TMEM170A: variants seen among roughly 807,000 people sequenced by gnomAD.
TMEM170A encodes transmembrane protein 170A.
Under a neutral mutation model 12.8 loss-of-function variants are expected in TMEM170A, and 18 were observed. The ratio of observed to expected loss-of-function variants is 1.41; its 90% CI spans 0.97 to 2.09. The LOEUF is 2.09. Among genes scored for constraint, TMEM170A ranks in the 30% most tolerant of loss-of-function variants. The pLI is 0.00. For missense variants in TMEM170A, 220 were observed against 179.9 expected (o/e 1.22, Z -1.28); for synonymous variants, 107 against 76.2 (o/e 1.40, Z -2.11).
intron 2 of TMEM170A, among the ~76,000 whole-genome samples, chr16:75,449,559 T>C (rs2079645835): frequency 6.6e-6 from 1 of 152,100 alleles, no homozygotes; most frequent in South Asian, 2.1e-4. Flanking sequence ...ACTTAAGCAA[T>C]CCTCCCAAGC....
intron 1 of TMEM170A, among the ~76,000 whole-genome samples, chr16:75,459,537 A>T (rs766854657): frequency 6.6e-6 from 1 of 152,166 alleles, no homozygotes; most frequent in Non-Finnish European, 1.5e-5. Flanking sequence ...AGCAGACCAC[A>T]TGAGTCCTCC....
chr16:75,451,964 A>G (rs1307697113), intron 1 of TMEM170A, 125 bp from the exon 2 acceptor site: 4 of 871,800 alleles, frequency 4.6e-6, no homozygotes, highest in African/African-American at 3.4e-5. Context: ...TTTTTGAAAA[A>G]TTTTTATTAT....
Position 75,464,647 on chromosome 16 carries a change from G to T in TMEM170A, c.-47C>A, listed in dbSNP as rs758490418. On this transcript the variant is annotated 5_prime_UTR_variant, in exon 1 of 3. Coordinates refer to ENST00000561878, the MANE Select transcript of TMEM170A (RefSeq NM_145254.3). ...GAAATGAGGGACGAGCGCCCGAAGTGCGGTAGCGGCCGGCGCCGACTCACC... is the reference window on the plus strand; with the variant it reads ...GAAATGAGGGACGAGCGCCCGAAGTTCGGTAGCGGCCGGCGCCGACTCACC... 28 of 1,545,770 alleles carry T rather than the reference G, an allele frequency of 1.8e-5. No individual in the cohort carries two copies. The highest frequency in any genetic ancestry group is 2.9e-5 in the African/African-American group (2 of 70,038).
At chr16:75,454,297 G>A (rs1246389480) in intron 1 of TMEM170A, among the ~76,000 whole-genome samples, 3 of 152,092 alleles carry the variant, frequency 2.0e-5, no homozygotes, top group Non-Finnish European at 1.5e-5. Context: ...TAAAAACCAC[G>A]GGCTTTACCA....
rs930458859 is a variant in TMEM170A, at chr16:75,447,545, A to G, written c.*13T>C. The G allele has an allele frequency of 3.1e-6, 5 of 1,601,596 alleles. No individual in the cohort carries two copies. The highest frequency in any genetic ancestry group is 4.3e-6 in the Non-Finnish European group (5 of 1,176,376). ...TAAAGTTTAAGTTCAACATCTCAGCATAAGGATGTATGCTATAGAGTAGCT... is the reference window on the plus strand; with the variant it reads ...TAAAGTTTAAGTTCAACATCTCAGCGTAAGGATGTATGCTATAGAGTAGCT... On this transcript the variant is annotated 3_prime_UTR_variant, in exon 3 of 3. Transcript: ENST00000561878.
In TMEM170A at chr16:75,464,526, C is replaced by T. The variant is rs780088507; in HGVS notation, c.75G>A (p.Val25=). 5 of 1,587,288 alleles carry T rather than the reference C, an allele frequency of 3.2e-6. No homozygotes were observed. Among genetic ancestry groups the T allele is most frequent in the Admixed American group, 1.8e-5 (1 of 56,838 alleles). ...ACAGGGTCCCGTTGCCCACCCGCGGCACAACCTTCAGGCTCAGGATCTGCT... is the reference window on the plus strand; with the variant it reads ...ACAGGGTCCCGTTGCCCACCCGCGGTACAACCTTCAGGCTCAGGATCTGCT... ...LLQQILSLKV[V]PRVGNGTLCP... The change falls in exon 1 of 3, where the codon GTG becomes GTA. Residue 25 remains valine (V), a synonymous_variant. Coordinates refer to ENST00000561878, the MANE Select transcript of TMEM170A (RefSeq NM_145254.3).
intron 2 of TMEM170A, among the ~76,000 whole-genome samples, chr16:75,451,175 C>T (rs2079674323): frequency 6.6e-6 from 1 of 152,008 alleles, no homozygotes; most frequent in African/African-American, 2.4e-5. Context: ...CCTGAAGCCA[C>T]TGAGATGAAA....
intron 1 of TMEM170A, among the ~76,000 whole-genome samples, chr16:75,463,951 G>T (rs911932364): frequency 7.9e-5 from 12 of 152,378 alleles, no homozygotes; most frequent in Admixed American, 7.2e-4. Flanking sequence ...CTCGGAGGGG[G>T]AGGATTTAGC....
chr16:75,463,138 G>C (rs1221664872), intron 1 of TMEM170A, among the ~76,000 whole-genome samples: 6 of 152,108 alleles, frequency 3.9e-5, no homozygotes, highest in Non-Finnish European at 8.8e-5. Context: ...AGGGTACATG[G>C]GTATTTGTTA....
Position 75,464,460 on chromosome 16 carries a change from G to A in TMEM170A, c.133+8C>T, listed in dbSNP as rs201558052. ...GCGCGCAGTGCGCAGGCGCGGGGCG[G>A]GCCGTACCTGGGAAGGAGCAGAGGG... On this transcript the variant is annotated splice_region_variant and intron_variant, in intron 1 of 2. Transcript: ENST00000561878. 12 of 1,488,104 alleles carry A rather than the reference G, an allele frequency of 8.1e-6. No homozygotes were observed. Among genetic ancestry groups the A allele is most frequent in the African/African-American group, 4.4e-5 (3 of 68,482 alleles). 92.2% of individuals were successfully genotyped at this position (1,488,104 alleles called of 1,614,324 possible). A position where few individuals can be genotyped will look rare whatever the true frequency, so the allele number is the denominator to read the frequency against.
Position 75,464,664 on chromosome 16 carries a change from C to T in TMEM170A, c.-64G>A, listed in dbSNP as rs1222630461. On this transcript the variant is annotated 5_prime_UTR_variant, in exon 1 of 3. Transcript: ENST00000561878. ...CCCGAAGTGCGGTAGCGGCCGGCGC[C>T]GACTCACCCTCGCCGCCTCAGCGTC... The T allele has an allele frequency of 1.1e-5, 17 of 1,529,096 alleles. No individual in the cohort carries two copies. The highest frequency in any genetic ancestry group is 1.4e-5 in the Non-Finnish European group (16 of 1,146,300). 94.7% of individuals were successfully genotyped at this position (1,529,096 alleles called of 1,614,324 possible). A position where few individuals can be genotyped will look rare whatever the true frequency, so the allele number is the denominator to read the frequency against.
rs912420920 is a variant in TMEM170A, at chr16:75,445,104, C to T, written c.*2454G>A. On this transcript the variant is annotated 3_prime_UTR_variant, in exon 3 of 3. Coordinates refer to ENST00000561878, the MANE Select transcript of TMEM170A (RefSeq NM_145254.3). ...AATCATTTCCCATAAGAAAAGTTAC[C>T]AATTCCCCAGATTTCTTAAACTGAA... The T allele has an allele frequency of 6.6e-6, 1 of 152,142 alleles. No homozygotes were observed. The highest frequency in any genetic ancestry group is 1.5e-5 in the Non-Finnish European group (1 of 68,014). 9.4% of individuals were successfully genotyped at this position (152,142 alleles called of 1,614,324 possible). A position where few individuals can be genotyped will look rare whatever the true frequency, so the allele number is the denominator to read the frequency against.
intron 1 of TMEM170A, among the ~76,000 whole-genome samples, chr16:75,456,202 A>T (rs2079792318): frequency 6.6e-6 from 1 of 151,598 alleles, no homozygotes; most frequent in Admixed American, 6.6e-5. Context: ...TATTCTGAAC[A>T]CTTCCAGTGA....
At chr16:75,452,064 T>C (rs539877537) in intron 1 of TMEM170A, among the ~76,000 whole-genome samples, 1 of 152,158 alleles carries the variant, frequency 6.6e-6, no homozygotes, top group African/African-American at 2.4e-5. Flanking sequence ...CTCTGCCTCC[T>C]GGGTTCACAC....
rs2079552665 is a variant in TMEM170A at position 75,444,574 on chromosome 16, T to C, written c.*2984A>G. The C allele has an allele frequency of 6.6e-6, 1 of 152,208 alleles. No individual in the cohort carries two copies. Among genetic ancestry groups the C allele is most frequent in the South Asian group, 2.1e-4 (1 of 4,828 alleles). 9.4% of individuals were successfully genotyped at this position (152,208 alleles called of 1,614,324 possible). On this transcript the variant is annotated 3_prime_UTR_variant, in exon 3 of 3. Coordinates refer to ENST00000561878, the MANE Select transcript of TMEM170A (RefSeq NM_145254.3). ...AAATGTTCAACACAATTGCCAATAT[T>C]CTTCCATCTGAGTGACCACCCCCAA...
rs2079685250 is a variant in TMEM170A at position 75,451,669 on chromosome 16, T to C, written c.304A>G (p.Ser102Gly). The change falls in exon 2 of 3, where the codon AGT (serine) becomes GGT (glycine). Residue 102 changes from serine to glycine, a missense_variant and splice_region_variant. By Grantham distance (56) the Ser-to-Gly change is moderately conservative. Transcript: ENST00000561878. ...ACTGGTATTTTAATGTCTAACATAC[T>C]TGTCAAGATTCCAGCAGTAATTGGT... The part of the protein sequence containing the change: ...VGPITAGILT[S>G]AAIAGVYRAA... 3 of 1,614,066 alleles carry C rather than the reference T, an allele frequency of 1.9e-6. No individual in the cohort carries two copies. Among genetic ancestry groups the C allele is most frequent in the Non-Finnish European group, 2.5e-6 (3 of 1,179,932 alleles).
chr16:75,462,323 G>C lies in TMEM170A; in HGVS notation c.133+2145C>G, dbSNP rs146114994. On this transcript the variant is annotated intron_variant, in intron 1 of 2. Coordinates refer to ENST00000561878, the MANE Select transcript of TMEM170A (RefSeq NM_145254.3). ...CAACCTCTGCCTCCTGGGTTCAAGA[G>C]ATTCTCGTGCCTCAGCCTCCCCAGT... 4.7e-3 allele frequency among the ~76,000 whole-genome samples: 715 copies of C among 152,362 alleles called. 4 individuals are homozygous for C. Among genetic ancestry groups the C allele is most frequent in the African/African-American group, 0.016 (663 of 41,584 alleles).
rs942274431 is a variant in TMEM170A at position 75,443,729 on chromosome 16, T to C, written c.*3829A>G. The C allele has an allele frequency of 1.3e-5, 2 of 152,230 alleles. No individual in the cohort carries two copies. The highest frequency in any genetic ancestry group is 1.5e-5 in the Non-Finnish European group (1 of 68,038). 9.4% of individuals were successfully genotyped at this position (152,230 alleles called of 1,614,324 possible). ...AAGCACAGATACCTCTTTTAGAATA[T>C]TCATGATGCTCTTGTGTATGAACTT... On this transcript the variant is annotated 3_prime_UTR_variant, in exon 3 of 3. Transcript: ENST00000561878.
intron 1 of TMEM170A, among the ~76,000 whole-genome samples, chr16:75,463,600 T>C (rs28729512): frequency 0.078 from 11,802 of 152,256 alleles, 925 homozygotes; most frequent in African/African-American, 0.2. Flanking sequence ...TCATTGTTTA[T>C]GAAGACCTCA....
Sources: gnomAD v4.1 joint callset for allele counts (sites outside exome capture counted in the v4.1 genomes callset) on GRCh38, gnomAD v4.1.1 for gene constraint, MANE v1.5 for transcripts, NCBI Gene and HGNC (gene_info 2026-07-23, HGNC 2026-07-21) for gene names.